The following FAM193A variants were observed in gnomAD, a reference collection of about 807,000 sequenced individuals.
The protein encoded by FAM193A is protein FAM193A.
FAM193A carries 22 observed loss-of-function variants against 126.5 expected under a neutral mutation model. The ratio of observed to expected loss-of-function variants is 0.17; its 90% CI spans 0.12 to 0.25. The LOEUF is 0.25. Ranked by LOEUF, FAM193A falls within the 10% of genes least tolerant of loss-of-function variation. FAM193A has a pLI of 1.00. For missense variants in FAM193A, 1,675 were observed against 1,672.8 expected (o/e 1.00, Z -0.02); for synonymous variants, 761 against 646.8 (o/e 1.18, Z -2.68).
At chr4:2,583,669 A>G (rs550297846) in intron 1 of FAM193A, among the ~76,000 whole-genome samples, 1 of 152,300 alleles carries the variant, frequency 6.6e-6, no homozygotes, top group African/African-American at 2.4e-5. Context: ...TTGTCCTGAC[A>G]GCCTGTACTC....
chr4:2,725,449 CCAAAAAAAAA>C lies in FAM193A; in HGVS notation c.4455-6325_4455-6316del, dbSNP rs1339668672. On this transcript the variant is annotated intron_variant, in intron 20 of 20. Transcript: ENST00000637812. ...TGGGCAACAGAGTAAGACCCTGTCT[CCAAAAAAAAA>C]AAAAAAAAAAAAAAAAAGTAATCAC... Among the ~76,000 whole-genome samples, 524 of 81,834 alleles carry C rather than the reference CCAAAAAAAAA, an allele frequency of 6.4e-3. 4 individuals carry two copies. Among genetic ancestry groups the C allele is most frequent in the African/African-American group, 0.042 (508 of 12,062 alleles). 53.7% of individuals were successfully genotyped at this position (81,834 alleles called of 152,430 possible).
chr4:2,696,419 A>C lies in FAM193A; in HGVS notation c.3333A>C (p.Leu1111Phe). Reference sequence around the variant, plus strand: ...CAGAAATGAGGGAAAAGCTTCGCTTACGGCTGACCAAGAGGAAAGAGGAGC... The same window carrying C: ...CAGAAATGAGGGAAAAGCTTCGCTTCCGGCTGACCAAGAGGAAAGAGGAGC... ...NYAEMREKLRLRLTKRKEEQP... is the reference protein window; with the variant it reads ...NYAEMREKLRFRLTKRKEEQP... Residue 1111 changes from leucine (L) to phenylalanine (F), a missense_variant, in exon 18 of 21, where the codon TTA becomes TTC. Physicochemically the swap from Leu to Phe is conservative, Grantham distance 22 (BLOSUM62 0). This residue lies in a region of FAM193A where 54 missense variants were observed against 114.8 expected (regional missense o/e 0.47). Coordinates refer to ENST00000637812, the MANE Select transcript of FAM193A (RefSeq NM_001366318.2). 1 of 1,614,226 alleles carries C rather than the reference A, an allele frequency of 6.2e-7. No homozygotes were observed. The highest frequency in any genetic ancestry group is 1.1e-5 in the South Asian group (1 of 91,086).
At chr4:2,580,806 A>C (rs1739875047) in intron 1 of FAM193A, among the ~76,000 whole-genome samples, 1 of 152,232 alleles carries the variant, frequency 6.6e-6, no homozygotes, top group Admixed American at 6.5e-5. Flanking sequence ...ACAGAACTGT[A>C]AGCCAAATAA....
intron 12 of FAM193A, among the ~76,000 whole-genome samples, chr4:2,664,659 C>G (rs1335617134): frequency 7.4e-6 from 1 of 134,826 alleles, no homozygotes; most frequent in Non-Finnish European, 1.5e-5. Flanking sequence ...CTCTCCCTTT[C>G]GGGTTCAAGC....
chr4:2,575,036 G>A (rs74762945), intron 1 of FAM193A, among the ~76,000 whole-genome samples: 4,659 of 152,160 alleles, frequency 0.031, 117 homozygotes, highest in Non-Finnish European at 0.043. Flanking sequence ...ACACAAATGC[G>A]TGCCATGCTC....
intron 19 of FAM193A, among the ~76,000 whole-genome samples, chr4:2,710,491 C>T (rs1718826096): frequency 6.7e-6 from 1 of 149,252 alleles, no homozygotes; most frequent in East Asian, 2.0e-4. Context: ...TTCTTTACCT[C>T]CTTTCTTTCT....
chr4:2,667,257 C>G (rs1260218837), intron 12 of FAM193A, among the ~76,000 whole-genome samples: 1 of 152,162 alleles, frequency 6.6e-6, no homozygotes, highest in African/African-American at 2.4e-5. Context: ...TAACCCCATT[C>G]CTGAGAGTAG....
chr4:2,695,168 G>A, intron 17 of FAM193A, 39 bp downstream of exon 17: 5 of 1,509,254 alleles, frequency 3.3e-6, no homozygotes, highest in Non-Finnish European at 4.4e-6. Context: ...TGTGGGAAGT[G>A]TGCAACACAC....
chr4:2,670,139 T>C (rs1401317125), intron 12 of FAM193A, among the ~76,000 whole-genome samples: 1 of 152,162 alleles, frequency 6.6e-6, no homozygotes, highest in Non-Finnish European at 1.5e-5. Flanking sequence ...TCATCTCTTC[T>C]CTCTCTTCCT....
At chr4:2,712,436 G>A (rs781099191) in intron 19 of FAM193A, among the ~76,000 whole-genome samples, 46 of 152,010 alleles carry the variant, frequency 3.0e-4, no homozygotes, top group Non-Finnish European at 5.7e-4. Context: ...GTTGAGAAGC[G>A]GCCACCTTCT....
chr4:2,588,624 C>T (rs1740362558), intron 1 of FAM193A, among the ~76,000 whole-genome samples: 1 of 152,138 alleles, frequency 6.6e-6, no homozygotes, highest in African/African-American at 2.4e-5. Context: ...TGCTTCAGGT[C>T]ACTTAATTTT....
chr4:2,712,853 A>G (rs1197089431), intron 19 of FAM193A, among the ~76,000 whole-genome samples: 1 of 152,076 alleles, frequency 6.6e-6, no homozygotes, highest in Non-Finnish European at 1.5e-5. Context: ...CTGTAATCCC[A>G]GCACTTTGGG....
At chr4:2,648,177 C>T (rs1433464965) in intron 7 of FAM193A, among the ~76,000 whole-genome samples, 5 of 152,230 alleles carry the variant, frequency 3.3e-5, no homozygotes, top group Non-Finnish European at 5.9e-5. Context: ...TTGTGAGCCA[C>T]TGCGCCTGGC....
At chr4:2,719,354 GAAAC>G (rs1719866952) in intron 20 of FAM193A, among the ~76,000 whole-genome samples, 1 of 152,082 alleles carries the variant, frequency 6.6e-6, no homozygotes, top group South Asian at 2.1e-4. Context: ...TCAAAAAAAA[GAAAC>G]AATATACCAA....
intron 14 of FAM193A, among the ~76,000 whole-genome samples, 169 bp downstream of exon 14, chr4:2,689,873 C>T (rs1264913262): frequency 1.3e-5 from 2 of 152,336 alleles, no homozygotes; most frequent in Non-Finnish European, 1.5e-5. Context: ...TCCATCCTCT[C>T]GCATCTGCCA....
At chr4:2,730,188 A>T (rs1721214235) in intron 20 of FAM193A, among the ~76,000 whole-genome samples, 1 of 152,180 alleles carries the variant, frequency 6.6e-6, no homozygotes, top group East Asian at 1.9e-4. Context: ...GAAAACAGGC[A>T]TGAGCCACCA....
At position 2,700,077 on chromosome 4, in the gene FAM193A, C is replaced by T; in HGVS notation, c.3905C>T (p.Thr1302Ile). 1 of 1,613,930 alleles carries T rather than the reference C, an allele frequency of 6.2e-7. No individual in the cohort carries two copies. The highest frequency in any genetic ancestry group is 1.3e-5 in the African/African-American group (1 of 74,982). ...GGGGATGCTGCAGACCCCGTCGACA[C>T]CAGAGACTCCAAATTTCTCCTCCCC... is the stretch of plus-strand genomic sequence containing the variant. ...ADGDAADPVDTRDSKFLLPKE... is the reference protein window; with the variant it reads ...ADGDAADPVDIRDSKFLLPKE... Residue 1302 changes from threonine to isoleucine, a missense_variant, in exon 19 of 21, where the codon ACC becomes ATC. By Grantham distance (89) the Thr-to-Ile change is moderately conservative. Around this residue, in one of 4 missense-constraint regions of FAM193A, gnomAD observed 415 missense variants for 396.7 expected, o/e 1.05. Coordinates refer to ENST00000637812, the MANE Select transcript of FAM193A (RefSeq NM_001366318.2).
intron 2 of FAM193A, among the ~76,000 whole-genome samples, chr4:2,603,366 C>G (rs1389111783): frequency 6.6e-6 from 1 of 150,804 alleles, no homozygotes; most frequent in African/African-American, 2.4e-5. Flanking sequence ...CTCAACGCAA[C>G]CTCCGCCTCT....
chr4:2,558,403 T>TA (rs1436411651), intron 1 of FAM193A, among the ~76,000 whole-genome samples: 1 of 152,188 alleles, frequency 6.6e-6, no homozygotes, highest in African/African-American at 2.4e-5. Flanking sequence ...AGTTACTAGT[T>TA]AGAGTACAGT....
Sources: allele counts gnomAD v4.1 joint callset (sites outside exome capture counted in the v4.1 genomes callset), GRCh38; gene constraint gnomAD v4.1.1; regional missense constraint gnomAD v4.1.1; transcripts MANE v1.5; gene names NCBI Gene and HGNC (gene_info 2026-07-23, HGNC 2026-07-21).